The following ZMAT4 variants were observed in gnomAD, a reference collection of about 807,000 sequenced individuals.
ZMAT4 encodes zinc finger matrin-type 4.
Under a neutral mutation model 28.7 loss-of-function variants are expected in ZMAT4, and 17 were observed. The ratio of observed to expected loss-of-function variants is 0.59; its 90% CI spans 0.41 to 0.89. The LOEUF is 0.89. Among genes scored for constraint, ZMAT4 ranks in the 40% least tolerant of loss-of-function variants. ZMAT4 has a pLI of 0.00. For synonymous variants in ZMAT4, 117 were observed against 109.2 expected, an observed-to-expected ratio of 1.07 and a Z score of -0.44; for missense variants, 240 against 283.8, an observed-to-expected ratio of 0.85 and a Z score of 1.11.
At chr8:40,786,444 A>G (rs903893119) in intron 2 of ZMAT4, among the ~76,000 whole-genome samples, 6 of 88,260 alleles carry the variant, frequency 6.8e-5, no homozygotes, top group Non-Finnish European at 4.9e-5. Context: ...ACAGAAGTAC[A>G]TGACATTCAT....
At chr8:40,866,400 C>T (rs1401959832) in intron 1 of ZMAT4, among the ~76,000 whole-genome samples, 2 of 152,232 alleles carry the variant, frequency 1.3e-5, no homozygotes, top group Non-Finnish European at 2.9e-5. Flanking sequence ...AGCCCACTGG[C>T]ACCCCAGGCA....
At chr8:40,689,316 G>A (rs767389085) in intron 4 of ZMAT4, among the ~76,000 whole-genome samples, 28 of 152,250 alleles carry the variant, frequency 1.8e-4, no homozygotes, top group Admixed American at 1.4e-3. Context: ...ACTAAAGAGG[G>A]AGAGGGAGGA....
At position 40,746,301 on chromosome 8, in the gene ZMAT4, C is replaced by CTTT. The variant is rs1308911346; in HGVS notation, c.192+21339_192+21340insAAA. Among the ~76,000 whole-genome samples the CTTT allele has an allele frequency of 9.4e-4, 107 of 113,568 alleles. 1 individual carries two copies. The highest frequency in any genetic ancestry group is 2.9e-3 in the African/African-American group (83 of 28,596). The allele number at this position is 113,568 out of a possible 152,430, so 74.5% of individuals were successfully genotyped here. On this transcript the variant is annotated intron_variant, in intron 3 of 6. Transcript: ENST00000297737. ...TCTTTCTTTCTTTTCTTTCTTTCTC[C>CTTT]CTTCCTTTCCTTTCCTTTCCTTTCC...
intron 6 of ZMAT4, among the ~76,000 whole-genome samples, chr8:40,566,540 C>G (rs1474085485): frequency 6.6e-6 from 1 of 152,090 alleles, no homozygotes; most frequent in African/African-American, 2.4e-5. Flanking sequence ...TGCATTTTTA[C>G]TTTCAGGACT....
intron 5 of ZMAT4, among the ~76,000 whole-genome samples, chr8:40,636,191 C>T (rs976242364): frequency 6.6e-6 from 1 of 152,210 alleles, no homozygotes; most frequent in Non-Finnish European, 1.5e-5. Flanking sequence ...TGTGAGATTG[C>T]GTAAGCACAC....
chr8:40,653,318 A>G (rs2118827691), intron 5 of ZMAT4, among the ~76,000 whole-genome samples: 2 of 152,204 alleles, frequency 1.3e-5, no homozygotes, highest in South Asian at 4.1e-4. Context: ...ATCTCAATTC[A>G]ATAACTAAAC....
At chr8:40,855,807 C>T (rs34055152) in intron 1 of ZMAT4, among the ~76,000 whole-genome samples, 4,753 of 152,064 alleles carry the variant, frequency 0.031, 122 homozygotes, top group South Asian at 0.085. Context: ...TCCTGAGTAG[C>T]TGGGACTACA....
chr8:40,540,475 C>A (rs1324869894), intron 6 of ZMAT4, among the ~76,000 whole-genome samples: 9 of 152,184 alleles, frequency 5.9e-5, no homozygotes. Context: ...GACAAACAAG[C>A]TCCAAATTTG....
intron 3 of ZMAT4, among the ~76,000 whole-genome samples, chr8:40,742,618 C>T (rs1380970288): frequency 6.6e-6 from 1 of 151,950 alleles, no homozygotes; most frequent in Non-Finnish European, 1.5e-5. Flanking sequence ...TTCAAAGGTG[C>T]CTCCCTCCAA....
At chr8:40,855,432 T>C (rs936221249) in intron 1 of ZMAT4, among the ~76,000 whole-genome samples, 3 of 151,914 alleles carry the variant, frequency 2.0e-5, no homozygotes, top group Non-Finnish European at 2.9e-5. Flanking sequence ...TTAACAGAGA[T>C]AAAAACTGTC....
chr8:40,555,840 G>C (rs1354462180), intron 6 of ZMAT4, among the ~76,000 whole-genome samples: 1 of 151,974 alleles, frequency 6.6e-6, no homozygotes, highest in Non-Finnish European at 1.5e-5. Context: ...TCACAGACAG[G>C]ATTCTCCCAT....
At chr8:40,737,251 T>C (rs1811806654) in intron 3 of ZMAT4, among the ~76,000 whole-genome samples, 1 of 152,174 alleles carries the variant, frequency 6.6e-6, no homozygotes, top group Non-Finnish European at 1.5e-5. Context: ...TCATTAGTGT[T>C]ACTGTAGTTT....
chr8:40,734,591 A>G (rs1396380905), intron 3 of ZMAT4, among the ~76,000 whole-genome samples: 1 of 152,172 alleles, frequency 6.6e-6, no homozygotes, highest in African/African-American at 2.4e-5. Flanking sequence ...ACATTCTGGA[A>G]GACTCTGGTA....
intron 5 of ZMAT4, among the ~76,000 whole-genome samples, chr8:40,630,453 C>T (rs576987622): frequency 5.9e-5 from 9 of 152,238 alleles, no homozygotes; most frequent in African/African-American, 9.6e-5. Flanking sequence ...TCAAAGAGGT[C>T]GCTTTACTTT....
intron 2 of ZMAT4, among the ~76,000 whole-genome samples, chr8:40,793,281 A>AAAAC (rs1030556087): frequency 1.3e-5 from 2 of 152,326 alleles, no homozygotes; most frequent in African/African-American, 2.4e-5. Context: ...ACAGAAACAA[A>AAAAC]AAACAAACAA....
intron 5 of ZMAT4, among the ~76,000 whole-genome samples, chr8:40,613,740 G>A (rs1805890313): frequency 1.3e-5 from 2 of 152,150 alleles, no homozygotes; most frequent in Admixed American, 6.5e-5. Context: ...GCCAGGCCAG[G>A]CGCATGCCCT....
At chr8:40,617,433 A>G (rs888373166) in intron 5 of ZMAT4, among the ~76,000 whole-genome samples, 2 of 152,178 alleles carry the variant, frequency 1.3e-5, no homozygotes, top group African/African-American at 4.8e-5. Context: ...CAACAGTTTC[A>G]CCTAAACGTA....
chr8:40,592,110 G>T (rs972300890), intron 5 of ZMAT4, among the ~76,000 whole-genome samples: 1 of 152,106 alleles, frequency 6.6e-6, no homozygotes, highest in Non-Finnish European at 1.5e-5. Flanking sequence ...GGGGGGTAGG[G>T]GTGTGGAACA....
intron 1 of ZMAT4, among the ~76,000 whole-genome samples, chr8:40,874,517 G>T (rs888763170): frequency 1.1e-4 from 17 of 152,202 alleles, no homozygotes; most frequent in Admixed American, 2.6e-4. Context: ...TCACAGTTGG[G>T]TCTCTGGCAC....
Sources: gnomAD v4.1 joint callset for allele counts (sites outside exome capture counted in the v4.1 genomes callset) on GRCh38, gnomAD v4.1.1 for gene constraint, MANE v1.5 for transcripts, NCBI Gene and HGNC (gene_info 2026-07-23, HGNC 2026-07-21) for gene names.